Variants in NOL7 observed in about 807,000 individuals in gnomAD.
The protein encoded by NOL7 is U3 small nucleolar RNA-associated protein NOL7.
NOL7 carries 36 observed loss-of-function variants against 38.4 expected under a neutral mutation model. The observed-to-expected ratio is 0.94, with a 90% CI of 0.72 to 1.24. The LOEUF (loss-of-function observed/expected upper bound fraction) is 1.24. NOL7 is among the 50% of genes most tolerant of loss of function. The pLI is 0.00. For missense variants in NOL7, 350 were observed against 315.1 expected (o/e 1.11, Z -0.84); for synonymous variants, 142 against 126.5 (o/e 1.12, Z -0.82).
chr6:13,620,339 T>G lies in NOL7; in HGVS notation c.622+10T>G. The stretch of plus-strand genomic sequence containing the variant: ...ACCAACAGGACTACTGGTAATTTTT[T>G]TATGGACTATTTTTCTCACTTTTTA... On this transcript the variant is annotated intron_variant, in intron 6 of 7. Transcript: ENST00000451315. The G allele has an allele frequency of 6.2e-7, 1 of 1,613,910 alleles. No homozygotes were observed. Among genetic ancestry groups the G allele is most frequent in the Non-Finnish European group, 8.5e-7 (1 of 1,179,938 alleles).
At position 13,620,834 on chromosome 6, in the gene NOL7, G is replaced by A. The variant is rs1430577180; in HGVS notation, c.*7G>A. 6.5e-7 allele frequency: 1 copy of A among 1,528,334 alleles called. No individual in the cohort carries two copies. Among genetic ancestry groups the A allele is most frequent in the Non-Finnish European group, 9.0e-7 (1 of 1,112,834 alleles). The allele number at this position is 1,528,334 out of a possible 1,614,324, so 94.7% of individuals were successfully genotyped here. A position where few individuals can be genotyped will look rare whatever the true frequency, so the allele number is the denominator to read the frequency against. On this transcript the variant is annotated 3_prime_UTR_variant, in exon 8 of 8. Coordinates refer to ENST00000451315, the MANE Select transcript of NOL7 (RefSeq NM_016167.5). ...GATGAAAACTAAGAAGTAAATCAAT[G>A]CTAAATGAAGAATCTGTACTTTGTA... is the stretch of plus-strand genomic sequence containing the variant.
At chr6:13,631,377 C>CA (rs927880289) in intron 8 of NOL7, among the ~76,000 whole-genome samples, 18 of 152,166 alleles carry the variant, frequency 1.2e-4, no homozygotes, top group Non-Finnish European at 2.4e-4. Context: ...TGCTATGTTT[C>CA]AGATTTCAGA....
intron 5 of NOL7, 100 bp from the exon 6 acceptor site, chr6:13,620,108 C>G (rs1433482146): frequency 7.5e-7 from 1 of 1,329,226 alleles, no homozygotes; most frequent in Non-Finnish European, 1.0e-6. Context: ...GAGCTGAGAT[C>G]GCGCAGCCTG....
intron 8 of NOL7, among the ~76,000 whole-genome samples, chr6:13,627,342 G>T (rs1438152410): frequency 2.6e-5 from 4 of 151,912 alleles, no homozygotes; most frequent in African/African-American, 9.7e-5. Flanking sequence ...ACATTATTTT[G>T]TTTTTGGCCG....
chr6:13,625,023 G>A (rs550290976), downstream of NOL7, among the ~76,000 whole-genome samples: 1 of 152,242 alleles, frequency 6.6e-6, no homozygotes, highest in African/African-American at 2.4e-5. Context: ...GGACCAGCTA[G>A]GAATCCTGCC....
Position 13,620,472 on chromosome 6 carries a change from GAAT to G in NOL7, c.691_693del (p.Asn231del), listed in dbSNP as rs1251179609. 1 of 1,613,864 alleles carries G rather than the reference GAAT, an allele frequency of 6.2e-7. No individual in the cohort carries two copies. Among genetic ancestry groups the G allele is most frequent in the South Asian group, 1.1e-5 (1 of 91,062 alleles). ...TGAAAAGAGCTGCTGTCCAGTTTTT[GAAT>G]AATGCTTGGGGTAAGATCCAGCTTT... On this transcript the variant is annotated inframe_deletion, in exon 7 of 8. Coordinates refer to ENST00000451315, the MANE Select transcript of NOL7 (RefSeq NM_016167.5).
At chr6:13,619,005 T>C (rs1450339285) in intron 5 of NOL7, among the ~76,000 whole-genome samples, 1 of 152,218 alleles carries the variant, frequency 6.6e-6, no homozygotes, top group East Asian at 1.9e-4. Context: ...TTGAGAAAAT[T>C]TCATTTCACC....
chr6:13,619,286 A>G (rs887837380), intron 5 of NOL7, among the ~76,000 whole-genome samples: 1 of 152,254 alleles, frequency 6.6e-6, no homozygotes, highest in Non-Finnish European at 1.5e-5. Flanking sequence ...CTTATCTTCT[A>G]TTCTTATGGT....
Position 13,621,490 on chromosome 6 carries a change from A to C in NOL7, c.*663A>C, listed in dbSNP as rs1764443134. 4 of 152,660 alleles carry C rather than the reference A, an allele frequency of 2.6e-5. No homozygotes were observed. Among genetic ancestry groups the C allele is most frequent in the Admixed American group, 2.6e-4 (4 of 15,280 alleles). The allele number at this position is 152,660 out of a possible 1,614,324, so 9.5% of individuals were successfully genotyped here. A position where few individuals can be genotyped will look rare whatever the true frequency, so the allele number is the denominator to read the frequency against. On this transcript the variant is annotated 3_prime_UTR_variant, in exon 8 of 8. Transcript: ENST00000451315. ...AGTACCTAATATATAAACTCAATTGACACTGTATCTGTAGAAGTAAATTTT... is the reference window on the plus strand; with the variant it reads ...AGTACCTAATATATAAACTCAATTGCCACTGTATCTGTAGAAGTAAATTTT...
Position 13,615,352 on chromosome 6 carries a change from G to A in NOL7, c.-7G>A, listed in dbSNP as rs139564078. ...CAGAGGTCAGACGGTCTAGCGCTGC[G>A]TGGGCCATGGTGCAGCTCCGACCGC... On this transcript the variant is annotated 5_prime_UTR_variant, in exon 1 of 8. The change creates a new upstream start codon in the 5' untranslated region. Transcript: ENST00000451315. 18,898 of 1,478,240 alleles carry A rather than the reference G, an allele frequency of 0.013. 139 individuals are homozygous for A. Among genetic ancestry groups the A allele is most frequent in the Non-Finnish European group, 0.015 (17,180 of 1,119,996 alleles). 91.6% of individuals were successfully genotyped at this position (1,478,240 alleles called of 1,614,324 possible).
chr6:13,622,966 T>C (rs1764496063), downstream of NOL7, among the ~76,000 whole-genome samples: 1 of 152,140 alleles, frequency 6.6e-6, no homozygotes, highest in South Asian at 2.1e-4. Flanking sequence ...AAGGCATATA[T>C]AGGTAATGTT....
downstream of NOL7, chr6:13,622,276 AAAT>A (rs1298771604): frequency 4.6e-6 from 6 of 1,309,828 alleles, no homozygotes; most frequent in East Asian, 1.6e-4. Flanking sequence ...ATAATTTAAA[AAAT>A]CTAAATTTCA....
At position 13,620,937 on chromosome 6, in the gene NOL7, A is replaced by C; in HGVS notation, c.*110A>C. 1 of 672,034 alleles carries C rather than the reference A, an allele frequency of 1.5e-6. No individual in the cohort carries two copies. Among genetic ancestry groups the C allele is most frequent in the Non-Finnish European group, 2.4e-6 (1 of 408,858 alleles). 41.6% of individuals were successfully genotyped at this position (672,034 alleles called of 1,614,324 possible). A position where few individuals can be genotyped will look rare whatever the true frequency, so the allele number is the denominator to read the frequency against. ...TAAAAATCATAAACCTATTTGAGGA[A>C]GTGCTCAACCACATTTCATTCTTCT... On this transcript the variant is annotated 3_prime_UTR_variant, in exon 8 of 8. Coordinates refer to ENST00000451315, the MANE Select transcript of NOL7 (RefSeq NM_016167.5).
At chr6:13,632,118 C>CTTTTTTTTTTTTTTTTTTTTTT (rs752500098) in intron 8 of NOL7, among the ~76,000 whole-genome samples, 1 of 74,964 alleles carries the variant, frequency 1.3e-5, no homozygotes, top group Non-Finnish European at 2.6e-5. Context: ...GGATTTAATC[C>CTTTTTTTTTTTTTTTTTTTTTT]TTTTTTTTTT....
Position 13,628,673 on chromosome 6 carries a change from G to A in NOL7, n.574-3720G>A, listed in dbSNP as rs372546599. Among the ~76,000 whole-genome samples, 34 of 152,300 alleles carry A rather than the reference G, an allele frequency of 2.2e-4. No individual in the cohort carries two copies. The East Asian group carries it at 5.6e-3, about 25-fold the overall frequency. The stretch of plus-strand genomic sequence containing the variant: ...TCAAACTCCCAGTCGTAAACATCTA[G>A]GACTTGATTCTTTCTTCACAAAGGA... On this transcript the variant is annotated intron_variant and non_coding_transcript_variant, in intron 8 of 8. Transcript: ENST00000474485.
At chr6:13,624,479 G>A (rs1253094596), downstream of NOL7, among the ~76,000 whole-genome samples, 1 of 151,978 alleles carries the variant, frequency 6.6e-6, no homozygotes, top group Admixed American at 6.6e-5. Flanking sequence ...CAATTACCTG[G>A]GAATTAGACT....
chr6:13,626,925 G>A (rs904222927), intron 8 of NOL7, among the ~76,000 whole-genome samples: 2 of 152,086 alleles, frequency 1.3e-5, no homozygotes, highest in Admixed American at 6.6e-5. Flanking sequence ...TAATATTGTG[G>A]ATTTAAAGAA....
chr6:13,620,139 T>C, intron 5 of NOL7, 69 bp from the exon 6 acceptor site: 2 of 1,530,016 alleles, frequency 1.3e-6, no homozygotes, highest in Non-Finnish European at 1.8e-6. Flanking sequence ...CGAGACTCTG[T>C]CTCAGGAAGA....
At chr6:13,620,510 T>C (rs900670703) in intron 7 of NOL7, 25 bp downstream of exon 7, 2 of 1,587,904 alleles carry the variant, frequency 1.3e-6, no homozygotes, top group Non-Finnish European at 1.7e-6. Context: ...TATTCTCCTG[T>C]CTCTAATAGC....
Sources: allele counts gnomAD v4.1 joint callset (sites outside exome capture counted in the v4.1 genomes callset), GRCh38; gene constraint gnomAD v4.1.1; transcripts MANE v1.5; gene names NCBI Gene and HGNC (gene_info 2026-07-23, HGNC 2026-07-21).